Variants in NIT2 observed in about 807,000 individuals in gnomAD.
NIT2 encodes nitrilase family member 2, also known as omega-amidase NIT2.
A neutral mutation model predicts 42.7 loss-of-function variants in NIT2; 46 were observed. The ratio of observed to expected loss-of-function variants is 1.08; its 90% CI spans 0.85 to 1.38. NIT2 has a LOEUF of 1.38. Among genes scored for constraint, NIT2 ranks in the 40% most tolerant of loss-of-function variants. The probability of loss-of-function intolerance (pLI) is 0.00; values close to 1 mark genes in which losing one functional copy is unlikely to be tolerated. For missense variants in NIT2, 309 were observed against 342.5 expected (o/e 0.90, Z 0.77); for synonymous variants, 123 against 121.9 (o/e 1.01, Z -0.06).
intron 1 of NIT2, among the ~76,000 whole-genome samples, chr3:100,336,485 C>T (rs1456484328): frequency 1.3e-5 from 2 of 151,944 alleles, no homozygotes; most frequent in Admixed American, 1.3e-4. Context: ...CCTCTGAGTT[C>T]CCTTAGTATT....
At position 100,352,410 on chromosome 3, in the gene NIT2, T is replaced by C; in HGVS notation, c.591T>C (p.Val197=). Residue 197 remains valine, a synonymous_variant, in exon 8 of 10, where the codon GTT becomes GTC. Transcript: ENST00000394140. The part of the protein sequence containing the change: ...HWELLQRSRA[V]DNQVYVATAS... Reference sequence around the variant, plus strand: ...TCCTGTCTATTGACTACAGGGCTGTTGATAATCAGGTGTATGTGGCCACAG... The same window carrying C: ...TCCTGTCTATTGACTACAGGGCTGTCGATAATCAGGTGTATGTGGCCACAG... 1 of 1,612,550 alleles carries C rather than the reference T, an allele frequency of 6.2e-7. No homozygotes were observed. The highest frequency in any genetic ancestry group is 2.2e-5 in the East Asian group (1 of 44,838).
intron 7 of NIT2, among the ~76,000 whole-genome samples, chr3:100,350,855 C>G (rs277651): frequency 0.15 from 22,662 of 151,962 alleles, 3,110 homozygotes; most frequent in East Asian, 0.49. Flanking sequence ...ATCTCTCCCC[C>G]CTGCCCCCAC....
intron 1 of NIT2, among the ~76,000 whole-genome samples, chr3:100,335,333 TCA>T (rs1328913308): frequency 6.6e-6 from 1 of 152,242 alleles, no homozygotes; most frequent in Non-Finnish European, 1.5e-5. Flanking sequence ...TAATGATACC[TCA>T]CACAATGATG....
At chr3:100,335,059 C>A (rs777424679) in intron 1 of NIT2, 1 of 505,644 alleles carries the variant, frequency 2.0e-6, no homozygotes, top group South Asian at 1.6e-5. Context: ...CCCGCCGCGT[C>A]CTGCTTGACA....
At chr3:100,341,678 A>G (rs1477467206) in intron 4 of NIT2, among the ~76,000 whole-genome samples, 2 of 152,054 alleles carry the variant, frequency 1.3e-5, no homozygotes, top group Admixed American at 1.3e-4. Context: ...AACCTATAGT[A>G]ATTTTTATTA....
In NIT2 at chr3:100,355,387, C is replaced by A; in HGVS notation, c.*119C>A. ...AATTCGGCCTTGTCCTTCCTAGGTT[C>A]TCTATTGAGATGAGAAAGCCTCATT... On this transcript the variant is annotated 3_prime_UTR_variant, in exon 10 of 10. Coordinates refer to ENST00000394140, the MANE Select transcript of NIT2 (RefSeq NM_020202.5). 2.9e-6 allele frequency: 2 copies of A among 699,522 alleles called. No individual in the cohort carries two copies. The highest frequency in any genetic ancestry group is 2.0e-5 in the South Asian group (1 of 51,254). 43.3% of individuals were successfully genotyped at this position (699,522 alleles called of 1,614,324 possible).
intron 1 of NIT2, among the ~76,000 whole-genome samples, chr3:100,337,390 C>A (rs1706090356): frequency 6.6e-6 from 1 of 152,136 alleles, no homozygotes; most frequent in African/African-American, 2.4e-5. Flanking sequence ...AACTATGTAT[C>A]CATCAGGGTC....
In NIT2 at chr3:100,339,834, A is replaced by T; in HGVS notation, c.146A>T (p.Tyr49Phe). Residue 49 changes from tyrosine to phenylalanine, a missense_variant, in exon 3 of 10, where the codon TAT becomes TTT. Transcript: ENST00000394140. ...TTCTAGGAATGCTTTAATTCTCCAT[A>T]TGGAGCGAAATATTTTCCTGAATAT... ...VSLPECFNSP[Y>F]GAKYFPEYAE... 1 of 1,609,086 alleles carries T rather than the reference A, an allele frequency of 6.2e-7. No individual in the cohort carries two copies. Among genetic ancestry groups the T allele is most frequent in the Non-Finnish European group, 8.5e-7 (1 of 1,178,470 alleles).
At chr3:100,354,898 G>C in intron 9 of NIT2, 71 bp downstream of exon 9, 1 of 1,304,492 alleles carries the variant, frequency 7.7e-7, no homozygotes, top group East Asian at 2.3e-5. Flanking sequence ...CCATGGCTGG[G>C]AAGTCCCTGT....
Position 100,357,135 on chromosome 3 carries a change from T to A in NIT2, c.*1867T>A, listed in dbSNP as rs1164713075. The A allele has an allele frequency of 1.3e-5, 2 of 152,200 alleles. No individual in the cohort carries two copies. Among genetic ancestry groups the A allele is most frequent in the African/African-American group, 4.8e-5 (2 of 41,448 alleles). The allele number at this position is 152,200 out of a possible 1,614,324, so 9.4% of individuals were successfully genotyped here. On this transcript the variant is annotated 3_prime_UTR_variant, in exon 10 of 10. Coordinates refer to ENST00000394140, the MANE Select transcript of NIT2 (RefSeq NM_020202.5). ...TATCCATTTATCTGCTGTTGGAGAT[T>A]TGGGCTATTTCCAGATTTTGGCTGT...
Position 100,355,187 on chromosome 3 carries a change from G to A in NIT2, c.750G>A (p.Lys250=). 6.2e-7 allele frequency: 1 copy of A among 1,614,026 alleles called. No individual in the cohort carries two copies. The highest frequency in any genetic ancestry group is 8.5e-7 in the Non-Finnish European group (1 of 1,179,930). The stretch of plus-strand genomic sequence containing the variant: ...TCCTGTTTTTTGCAGACCTGAAGAA[G>A]CTGGCTGAAATACGCCAGCAAATCC... ...AIVYSDIDLK[K]LAEIRQQIPV... The change falls in exon 10 of 10, where the codon AAG becomes AAA. Residue 250 remains lysine, a synonymous_variant. Coordinates refer to ENST00000394140, the MANE Select transcript of NIT2 (RefSeq NM_020202.5).
At chr3:100,351,592 A>T (rs979735850) in intron 7 of NIT2, among the ~76,000 whole-genome samples, 5 of 152,256 alleles carry the variant, frequency 3.3e-5, no homozygotes, top group African/African-American at 1.2e-4. Flanking sequence ...CTTACACTTT[A>T]TACAAAAGTT....
At position 100,359,652 on chromosome 3, in the gene NIT2, TTAATAG is replaced by T. The variant is rs1706357495; in HGVS notation, c.*4386_*4391del. 1 of 152,200 alleles carries T rather than the reference TTAATAG, an allele frequency of 6.6e-6. No homozygotes were observed. The highest frequency in any genetic ancestry group is 2.1e-4 in the South Asian group (1 of 4,828). The allele number at this position is 152,200 out of a possible 1,614,324, so 9.4% of individuals were successfully genotyped here. A position where few individuals can be genotyped will look rare whatever the true frequency, so the allele number is the denominator to read the frequency against. Reference sequence around the variant, plus strand: ...CCCTTAGATGTTAAAGGCCCTTATATTAATAGTTTTATTTTAGCTCCTTTACATTTT... The same window carrying T: ...CCCTTAGATGTTAAAGGCCCTTATATTTTTATTTTAGCTCCTTTACATTTT... On this transcript the variant is annotated 3_prime_UTR_variant, in exon 10 of 10. Coordinates refer to ENST00000394140, the MANE Select transcript of NIT2 (RefSeq NM_020202.5).
At chr3:100,355,049 C>A in intron 9 of NIT2, 128 bp from the exon 10 acceptor site, 1 of 742,412 alleles carries the variant, frequency 1.3e-6, no homozygotes, top group Non-Finnish European at 2.3e-6. Flanking sequence ...CATCTGTGCA[C>A]CTAGATAAGA....
Position 100,355,270 on chromosome 3 carries a change from G to A in NIT2, c.*2G>A. ...GCTGTGGAGATGAAAAAGCCCTAAA[G>A]TTTATGTTTCTAATGTGTCACAGAA... On this transcript the variant is annotated 3_prime_UTR_variant, in exon 10 of 10. Transcript: ENST00000394140. The A allele has an allele frequency of 1.1e-5, 18 of 1,606,416 alleles. No homozygotes were observed. Among genetic ancestry groups the A allele is most frequent in the Non-Finnish European group, 1.4e-5 (17 of 1,173,250 alleles).
Position 100,357,095 on chromosome 3 carries a change from A to G in NIT2, c.*1827A>G, listed in dbSNP as rs911225623. 1 of 152,146 alleles carries G rather than the reference A, an allele frequency of 6.6e-6. No homozygotes were observed. Among genetic ancestry groups the G allele is most frequent in the African/African-American group, 2.4e-5 (1 of 41,430 alleles). The allele number at this position is 152,146 out of a possible 1,614,324, so 9.4% of individuals were successfully genotyped here. A position where few individuals can be genotyped will look rare whatever the true frequency, so the allele number is the denominator to read the frequency against. ...ATTCATTCCTTTTTTATTGCTGAGT[A>G]GTATACAATTTGTTTATCCATTTAT... On this transcript the variant is annotated 3_prime_UTR_variant, in exon 10 of 10. Coordinates refer to ENST00000394140, the MANE Select transcript of NIT2 (RefSeq NM_020202.5).
chr3:100,355,038 C>A, intron 9 of NIT2, 139 bp from the exon 10 acceptor site: 1 of 722,024 alleles, frequency 1.4e-6, no homozygotes. Flanking sequence ...TGATGCCAGG[C>A]CATCTGTGCA....
chr3:100,341,198 T>G, intron 4 of NIT2, 37 bp downstream of exon 4: 62 of 1,469,014 alleles, frequency 4.2e-5, no homozygotes, highest in Non-Finnish European at 5.5e-5. Flanking sequence ...TTGTTATCTC[T>G]AAGCCAGCAA....
chr3:100,349,125 TTC>T, intron 7 of NIT2: 3 of 380,824 alleles, frequency 7.9e-6, no homozygotes, highest in African/African-American at 2.1e-5. Flanking sequence ...TTTTTTTTTT[TTC>T]TTTTTAAGAG....
Sources: allele counts gnomAD v4.1 joint callset (sites outside exome capture counted in the v4.1 genomes callset), GRCh38; gene constraint gnomAD v4.1.1; transcripts MANE v1.5; gene names NCBI Gene and HGNC (gene_info 2026-07-23, HGNC 2026-07-21).